The following PMPCA variants were observed in gnomAD, a reference collection of about 807,000 sequenced individuals.
The protein encoded by PMPCA is mitochondrial-processing peptidase subunit alpha.
A neutral mutation model predicts 59.3 loss-of-function variants in PMPCA; 47 were observed. The ratio of observed to expected loss-of-function variants is 0.79; its 90% confidence interval spans 0.63 to 1.01. The LOEUF (loss-of-function observed/expected upper bound fraction) is 1.01, where lower values mean the gene tolerates loss of function less well. PMPCA is among the 50% of genes least tolerant of loss of function. The pLI, the probability that PMPCA is intolerant of heterozygous loss-of-function variation, is 0.00. For missense variants in PMPCA, 726 were observed against 704.5 expected, an observed-to-expected ratio of 1.03 and a Z score of -0.34; for synonymous variants, 338 against 290.3, an observed-to-expected ratio of 1.16 and a Z score of -1.67.
At chr9:136,415,383 C>A (rs560465034) in intron 5 of PMPCA, among the ~76,000 whole-genome samples, 1 of 152,206 alleles carries the variant, frequency 6.6e-6, no homozygotes, top group Non-Finnish European at 1.5e-5. Flanking sequence ...CACCTCGGAC[C>A]GTCTTTAAAC....
chr9:136,413,176 T>C (rs1835183394), intron 4 of PMPCA, among the ~76,000 whole-genome samples: 1 of 152,218 alleles, frequency 6.6e-6, no homozygotes, highest in African/African-American at 2.4e-5. Flanking sequence ...GCATACGTAA[T>C]GGACCCCGTA....
intron 4 of PMPCA, 115 bp from the exon 5 acceptor site, chr9:136,414,438 G>A (rs1588810375): frequency 2.7e-6 from 2 of 728,712 alleles, no homozygotes; most frequent in East Asian, 2.6e-5. Context: ...GTTGAGCAGA[G>A]TGTGAGCTCA....
At chr9:136,410,803 C>T (rs1402914122) in intron 1 of PMPCA, 64 bp downstream of exon 1, 12 of 1,288,354 alleles carry the variant, frequency 9.3e-6, no homozygotes, top group Non-Finnish European at 1.1e-5. Flanking sequence ...TCTGGACGCT[C>T]CGTCTTCGGT....
chr9:136,418,756 A>G (rs1835357505), intron 9 of PMPCA, 72 bp from the exon 10 acceptor site: 3 of 1,495,400 alleles, frequency 2.0e-6, no homozygotes, highest in Non-Finnish European at 2.8e-6. Flanking sequence ...CTTCCAGGTG[A>G]CTTTTCTCCA....
rs1382315639 is a variant in PMPCA, at chr9:136,418,852, C to T, written c.1134C>T (p.Thr378=). ...LNRHHWMYNA[T]SYHHSYEDTG... ...GGCACCACTGGATGTATAACGCGAC[C>T]TCCTACCACCACAGCTACGAGGACA... The change falls in exon 10 of 13, where the codon ACC becomes ACT. Residue 378 remains threonine, a synonymous_variant. Coordinates refer to ENST00000371717, the MANE Select transcript of PMPCA (RefSeq NM_015160.3). The T allele has an allele frequency of 2.5e-6, 4 of 1,613,080 alleles. No homozygotes were observed. Among genetic ancestry groups the T allele is most frequent in the African/African-American group, 1.3e-5 (1 of 74,912 alleles).
intron 4 of PMPCA, 148 bp from the exon 5 acceptor site, chr9:136,414,405 C>T: frequency 3.2e-6 from 2 of 628,930 alleles, no homozygotes; most frequent in African/African-American, 1.8e-5. Flanking sequence ...CCCTGGCATG[C>T]AAAGCCCAAG....
chr9:136,416,420 G>A (rs369879456), intron 6 of PMPCA, 29 bp downstream of exon 6: 15 of 1,482,128 alleles, frequency 1.0e-5, no homozygotes, highest in African/African-American at 8.3e-5. Flanking sequence ...GAATGCCCCC[G>A]CATCTCGAAC....
At chr9:136,414,798 C>T (rs1310856521) in intron 5 of PMPCA, 151 bp downstream of exon 5, 16 of 595,172 alleles carry the variant, frequency 2.7e-5, no homozygotes, top group East Asian at 6.0e-5. Context: ...TAAGAAATAG[C>T]GCTGGGGCTG....
intron 4 of PMPCA, 79 bp from the exon 5 acceptor site, chr9:136,414,474 G>A (rs1342667592): frequency 9.5e-6 from 9 of 943,680 alleles, no homozygotes; most frequent in South Asian, 2.6e-5. Flanking sequence ...CACCTGGCAC[G>A]CAAAGCCCGA....
intron 5 of PMPCA, among the ~76,000 whole-genome samples, chr9:136,415,204 G>A (rs1268167296): frequency 2.6e-5 from 4 of 152,182 alleles, no homozygotes; most frequent in African/African-American, 9.7e-5. Context: ...CCAGGAGTTC[G>A]AGACCAGTCT....
chr9:136,416,221 T>G, intron 5 of PMPCA, 70 bp from the exon 6 acceptor site: 1 of 1,113,256 alleles, frequency 9.0e-7, no homozygotes, highest in Non-Finnish European at 1.4e-6. Flanking sequence ...GCACACAAGC[T>G]GTGGGTCACT....
intron 5 of PMPCA, among the ~76,000 whole-genome samples, chr9:136,415,297 A>T (rs143419293): frequency 7.1e-4 from 108 of 152,330 alleles, no homozygotes; most frequent in Admixed American, 1.8e-3. Context: ...GTTTGAGAGA[A>T]TGTGTATTTG....
At chr9:136,412,681 A>G in intron 3 of PMPCA, 112 bp downstream of exon 3, 1 of 793,606 alleles carries the variant, frequency 1.3e-6, no homozygotes, top group Non-Finnish European at 2.1e-6. Context: ...GTTAATGTTA[A>G]TAAAAGACTT....
intron 11 of PMPCA, chr9:136,419,422 T>C: frequency 2.0e-6 from 1 of 492,244 alleles, no homozygotes; most frequent in African/African-American, 1.9e-5. Flanking sequence ...TGTGACTCTC[T>C]CAGCTTTGCT....
chr9:136,419,651 C>T (rs115388284), intron 11 of PMPCA: 3,712 of 160,696 alleles, frequency 0.023, 148 homozygotes, highest in African/African-American at 0.083. Flanking sequence ...AGCTCAAATT[C>T]GGCTCACTGC....
intron 6 of PMPCA, 78 bp from the exon 7 acceptor site, chr9:136,416,873 G>C: frequency 7.2e-7 from 1 of 1,397,104 alleles, no homozygotes; most frequent in Non-Finnish European, 9.8e-7. Flanking sequence ...GGCTGCAGAT[G>C]GGCGCTGGTG....
At chr9:136,415,478 C>T (rs778703632) in intron 5 of PMPCA, among the ~76,000 whole-genome samples, 3 of 152,222 alleles carry the variant, frequency 2.0e-5, no homozygotes, top group Non-Finnish European at 4.4e-5. Flanking sequence ...CTTTGAGTCC[C>T]TGTCAGGGGT....
chr9:136,419,147 G>T, intron 11 of PMPCA, 41 bp downstream of exon 11: 1 of 1,559,166 alleles, frequency 6.4e-7, no homozygotes, highest in African/African-American at 1.4e-5. Flanking sequence ...TACCTGTGGT[G>T]TCTGACAGGA....
At chr9:136,418,801 A>T (rs1835359554) in intron 9 of PMPCA, 27 bp from the exon 10 acceptor site, 2 of 1,575,094 alleles carry the variant, frequency 1.3e-6, no homozygotes, top group South Asian at 2.2e-5. Flanking sequence ...AGTCCCCTTC[A>T]CTCCCATGAC....
Sources: allele counts gnomAD v4.1 joint callset (sites outside exome capture counted in the v4.1 genomes callset), GRCh38; gene constraint gnomAD v4.1.1; transcripts MANE v1.5; gene names NCBI Gene and HGNC (gene_info 2026-07-23, HGNC 2026-07-21).